Variants in GNB4 observed in about 807,000 individuals in gnomAD.
GNB4 encodes the protein guanine nucleotide-binding protein subunit beta-4.
GNB4 carries 28 observed loss-of-function variants against 45.2 expected under a neutral mutation model. That is an observed-to-expected ratio of 0.62 (90% CI 0.46 to 0.85). The LOEUF is 0.85. Among genes scored for constraint, GNB4 ranks in the 40% least tolerant of loss-of-function variants. The pLI is 0.00. For synonymous variants in GNB4, 132 were observed against 143.7 expected (o/e 0.92, Z 0.58); for missense variants, 321 against 425.4 (o/e 0.75, Z 2.16).
chr3:179,402,851 C>T (rs1714342800), intron 9 of GNB4, among the ~76,000 whole-genome samples: 2 of 152,202 alleles, frequency 1.3e-5, no homozygotes, highest in Non-Finnish European at 2.9e-5. Flanking sequence ...GTGTCCCCTT[C>T]CTCCACTCTG....
At chr3:179,507,225 G>T in the GNB4 span, among the ~76,000 whole-genome samples, 1 of 152,260 alleles carries the variant, frequency 6.6e-6, no homozygotes, top group African/African-American at 2.4e-5. Flanking sequence ...CACTAGTCTT[G>T]CCTCTGCTTT....
the GNB4 span, among the ~76,000 whole-genome samples, chr3:179,469,516 G>C: frequency 1.3e-5 from 2 of 152,146 alleles, no homozygotes; most frequent in African/African-American, 4.8e-5. Flanking sequence ...GAAATAGATA[G>C]TTGTGTCAAG....
At chr3:179,499,664 C>T in the GNB4 span, among the ~76,000 whole-genome samples, 3 of 152,188 alleles carry the variant, frequency 2.0e-5, no homozygotes, top group Non-Finnish European at 4.4e-5. Flanking sequence ...GAGGAATTGC[C>T]ACACTGTCTT....
the GNB4 span, among the ~76,000 whole-genome samples, chr3:179,521,159 C>T: frequency 6.6e-6 from 1 of 152,050 alleles, no homozygotes; most frequent in African/African-American, 2.4e-5. Context: ...AAGAAGGCGA[C>T]CGTGGTCATT....
At position 179,429,947 on chromosome 3, in the gene GNB4, T is replaced by C. The variant is rs1231778495; in HGVS notation, c.-42-3705A>G. ...TTGCAGCAGATGACCTTGCCATCTA[T>C]ATCATAAAGTAGAAGCCATCAAACA... On this transcript the variant is annotated intron_variant, in intron 1 of 9. Coordinates refer to ENST00000232564, the MANE Select transcript of GNB4 (RefSeq NM_021629.4). Among the ~76,000 whole-genome samples the C allele has an allele frequency of 3.9e-5, 6 of 152,282 alleles. No homozygotes were observed. The South Asian group carries it at 8.3e-4, about 21-fold the overall frequency.
chr3:179,443,028 C>T (rs1040868009), intron 1 of GNB4, among the ~76,000 whole-genome samples: 3 of 152,102 alleles, frequency 2.0e-5, no homozygotes, highest in Non-Finnish European at 2.9e-5. Flanking sequence ...TGGTTACATA[C>T]AAAAATTTTA....
the GNB4 span, among the ~76,000 whole-genome samples, chr3:179,511,375 A>G: frequency 1.3e-5 from 2 of 152,236 alleles, no homozygotes; most frequent in Non-Finnish European, 2.9e-5. Context: ...ACAACTGTAT[A>G]AGATAATTGA....
upstream of GNB4, among the ~76,000 whole-genome samples, chr3:179,455,728 C>A (rs1207766376): frequency 6.6e-6 from 1 of 152,216 alleles, no homozygotes; most frequent in East Asian, 1.9e-4. Context: ...ATTAGGACAA[C>A]AACAATTATT....
the GNB4 span, among the ~76,000 whole-genome samples, chr3:179,485,167 C>A: frequency 4.6e-5 from 7 of 151,972 alleles, no homozygotes; most frequent in Non-Finnish European, 7.4e-5. Flanking sequence ...CCTGCCACCA[C>A]ACCCGGCTAG....
the GNB4 span, among the ~76,000 whole-genome samples, chr3:179,486,572 G>A: frequency 3.3e-5 from 5 of 152,130 alleles, no homozygotes; most frequent in Admixed American, 1.3e-4. Context: ...GTAAACCAAT[G>A]AGCCACCATA....
the GNB4 span, among the ~76,000 whole-genome samples, chr3:179,514,669 T>C: frequency 6.6e-6 from 1 of 152,036 alleles, no homozygotes; most frequent in Non-Finnish European, 1.5e-5. Context: ...AATAGGGGTG[T>C]GATTGGGCAA....
chr3:179,397,669 C>CA lies in GNB4; in HGVS notation c.*3543dup, dbSNP rs1400702175. ...AACCTTGGATATTCAGTCTACATCT[C>CA]AAACAGCATAGCTGCCAAAAATGAG... is the stretch of plus-strand genomic sequence containing the variant. On this transcript the variant is annotated 3_prime_UTR_variant, in exon 10 of 10. Coordinates refer to ENST00000232564, the MANE Select transcript of GNB4 (RefSeq NM_021629.4). 2 of 152,644 alleles carry CA rather than the reference C, an allele frequency of 1.3e-5. No individual in the cohort carries two copies. Among genetic ancestry groups the CA allele is most frequent in the African/African-American group, 4.8e-5 (2 of 41,456 alleles). The allele number at this position is 152,644 out of a possible 1,614,324, so 9.5% of individuals were successfully genotyped here.
At position 179,415,028 on chromosome 3, in the gene GNB4, C is replaced by T; in HGVS notation, c.287G>A (p.Arg96Lys). ...TTNKMHAIPL[R>K]SSWVMTCAYA... ...AGCACAGGTCATCACCCAGGAGGAC[C>T]TCAAAGGAATAGCATGCATCTGTAG... The change falls in exon 6 of 10, where the codon AGG (arginine) becomes AAG (lysine). Residue 96 changes from arginine to lysine, a missense_variant. Physicochemically the swap from Arg to Lys is conservative, Grantham distance 26. Transcript: ENST00000232564. 6.2e-7 allele frequency: 1 copy of T among 1,603,992 alleles called. No homozygotes were observed. The highest frequency in any genetic ancestry group is 8.5e-7 in the Non-Finnish European group (1 of 1,173,364).
intron 4 of GNB4, among the ~76,000 whole-genome samples, chr3:179,418,581 A>G (rs1357899285): frequency 6.6e-6 from 1 of 152,092 alleles, no homozygotes; most frequent in Non-Finnish European, 1.5e-5. Flanking sequence ...CACATGTTCT[A>G]TATTATTGTG....
chr3:179,510,191 A>C, the GNB4 span, among the ~76,000 whole-genome samples: 1 of 152,144 alleles, frequency 6.6e-6, no homozygotes, highest in African/African-American at 2.4e-5. Flanking sequence ...AAGTAGTTGG[A>C]GAAGTAGAAG....
At chr3:179,461,458 C>T in the GNB4 span, among the ~76,000 whole-genome samples, 16 of 149,740 alleles carry the variant, frequency 1.1e-4, no homozygotes, top group African/African-American at 2.7e-4. Flanking sequence ...GATTGCGCCA[C>T]TGCACTCCAG....
chr3:179,465,028 T>C, the GNB4 span: 2 of 1,509,558 alleles, frequency 1.3e-6, no homozygotes, highest in South Asian at 2.2e-5. Flanking sequence ...ATGCCACTGT[T>C]ACAATATCTT....
In GNB4 at chr3:179,413,568, A is replaced by G; in HGVS notation, c.543T>C (p.Thr181=). 4 of 1,614,208 alleles carry G rather than the reference A, an allele frequency of 2.5e-6. No homozygotes were observed. Among genetic ancestry groups the G allele is most frequent in the Non-Finnish European group, 3.4e-6 (4 of 1,180,042 alleles). The change falls in exon 8 of 10, where the codon ACT becomes ACC. Residue 181 remains threonine (T), a synonymous_variant. Transcript: ENST00000232564. ...GACTCATCACATCTCCAGAATGCCC[A>G]GTGAATGTGGTGGTCTGCTGGGCAG... ...IETAQQTTTF[T]GHSGDVMSLS... is the part of the protein sequence containing the mutation.
Position 179,400,303 on chromosome 3 carries a change from A to G in GNB4, c.*910T>C, listed in dbSNP as rs1194125485. The G allele has an allele frequency of 6.6e-6, 1 of 152,204 alleles. No homozygotes were observed. Among genetic ancestry groups the G allele is most frequent in the Non-Finnish European group, 1.5e-5 (1 of 68,032 alleles). The allele number at this position is 152,204 out of a possible 1,614,324, so 9.4% of individuals were successfully genotyped here. A position where few individuals can be genotyped will look rare whatever the true frequency, so the allele number is the denominator to read the frequency against. ...CTGTCACATTGCATTTCCTCTCTAG[A>G]TGTATACTGATAGCACTGGGAAAGA... On this transcript the variant is annotated 3_prime_UTR_variant, in exon 10 of 10. Transcript: ENST00000232564.
Sources: gnomAD v4.1 joint callset for allele counts (sites outside exome capture counted in the v4.1 genomes callset) on GRCh38, gnomAD v4.1.1 for gene constraint, MANE v1.5 for transcripts, NCBI Gene and HGNC (gene_info 2026-07-23, HGNC 2026-07-21) for gene names.